The following ZNF804B variants were observed in gnomAD, a reference collection of about 807,000 sequenced individuals.
The protein encoded by ZNF804B is zinc finger protein 804B.
A neutral mutation model predicts 101.4 loss-of-function variants in ZNF804B; 80 were observed. The ratio of observed to expected loss-of-function variants is 0.79; its 90% CI spans 0.66 to 0.95. The LOEUF (loss-of-function observed/expected upper bound fraction) is 0.95, where lower values mean the gene tolerates loss of function less well. ZNF804B is among the 40% of genes least tolerant of loss of function. ZNF804B has a pLI of 0.00. For synonymous variants in ZNF804B, 622 were observed against 558.8 expected (o/e 1.11, Z -1.59); for missense variants, 1,673 against 1,561.9 (o/e 1.07, Z -1.20).
chr7:88,853,263 G>A (rs530551704), intron 1 of ZNF804B, among the ~76,000 whole-genome samples: 3 of 152,164 alleles, frequency 2.0e-5, no homozygotes, highest in East Asian at 3.9e-4. Context: ...TGGCCCTCAC[G>A]CACTGTTAGA....
chr7:89,226,235 T>A (rs1789087107), intron 2 of ZNF804B, among the ~76,000 whole-genome samples: 1 of 152,100 alleles, frequency 6.6e-6, no homozygotes, highest in Non-Finnish European at 1.5e-5. Flanking sequence ...TAAATTTAAA[T>A]TTTTCTTACT....
chr7:88,905,868 T>C (rs1434028368), intron 1 of ZNF804B, among the ~76,000 whole-genome samples: 1 of 151,114 alleles, frequency 6.6e-6, no homozygotes, highest in East Asian at 1.9e-4. Flanking sequence ...CTAGTAGAAT[T>C]CAGCTGTTAA....
chr7:88,770,624 AG>A lies in ZNF804B; in HGVS notation c.108+10541del, dbSNP rs532715296. On this transcript the variant is annotated intron_variant, in intron 1 of 3. Transcript: ENST00000333190. ...GGATGAATATTTCCAATGGTGTGGGAGCTCTCTGCTTATCAAGGTGATTTCT... is the reference window on the plus strand; with the variant it reads ...GGATGAATATTTCCAATGGTGTGGGACTCTCTGCTTATCAAGGTGATTTCT... 1.2e-4 allele frequency among the ~76,000 whole-genome samples: 18 copies of A among 152,224 alleles called. No homozygotes were observed. In the East Asian group the frequency reaches 3.5e-3, roughly 29 times the overall value.
chr7:88,781,855 C>A (rs545637189), intron 1 of ZNF804B, among the ~76,000 whole-genome samples: 1 of 152,106 alleles, frequency 6.6e-6, no homozygotes, highest in South Asian at 2.1e-4. Flanking sequence ...GACAAAAACC[C>A]CCGCGACACT....
chr7:89,163,250 A>G (rs1354551349), intron 1 of ZNF804B, among the ~76,000 whole-genome samples: 2 of 152,148 alleles, frequency 1.3e-5, no homozygotes, highest in South Asian at 2.1e-4. Context: ...CGGATTTTGT[A>G]CCTATTGTGT....
chr7:89,309,759 CAAAAAAAAAAAAAA>C (rs397791531), intron 2 of ZNF804B, among the ~76,000 whole-genome samples: 23 of 70,792 alleles, frequency 3.2e-4, no homozygotes, highest in African/African-American at 8.9e-4. Context: ...GACCCTGTCT[CAAAAAAAAAAAAAA>C]AAAAAAAAAA....
At chr7:89,218,389 CTG>C in intron 2 of ZNF804B, 94 bp downstream of exon 2, 1 of 1,405,962 alleles carries the variant, frequency 7.1e-7, no homozygotes, top group Non-Finnish European at 9.8e-7. Context: ...CCATATAAGA[CTG>C]TGAGGTAAGA....
In ZNF804B at chr7:88,899,757, A is replaced by G. The variant is rs113632243; in HGVS notation, c.108+139673A>G. 1.8e-4 allele frequency among the ~76,000 whole-genome samples: 27 copies of G among 152,284 alleles called. 2 individuals carry two copies. The highest frequency in any genetic ancestry group is 6.5e-4 in the African/African-American group (27 of 41,560). ...TAACTTTCTACTGTTAGCTCCCAGG[A>G]CCATCATCCTCAGATACCCATATCT... On this transcript the variant is annotated intron_variant, in intron 1 of 3. Transcript: ENST00000333190.
At chr7:88,806,034 T>C (rs1011088519) in intron 1 of ZNF804B, among the ~76,000 whole-genome samples, 20 of 152,002 alleles carry the variant, frequency 1.3e-4, no homozygotes, top group Non-Finnish European at 2.4e-4. Flanking sequence ...GATCTAACTA[T>C]GAGGACCTTA....
At chr7:89,307,987 C>T (rs1790591354) in intron 2 of ZNF804B, among the ~76,000 whole-genome samples, 1 of 151,966 alleles carries the variant, frequency 6.6e-6, no homozygotes, top group South Asian at 2.1e-4. Context: ...ACAATAGTTT[C>T]CCAAATGTGC....
intron 2 of ZNF804B, among the ~76,000 whole-genome samples, chr7:89,225,387 G>GA (rs918410803): frequency 9.9e-5 from 15 of 151,752 alleles, no homozygotes; most frequent in African/African-American, 2.9e-4. Context: ...TCTTTAAAAA[G>GA]AAAAAAAATT....
chr7:89,103,048 GTTTTT>G (rs56693128), intron 1 of ZNF804B, among the ~76,000 whole-genome samples: 138 of 33,662 alleles, frequency 4.1e-3, no homozygotes, highest in African/African-American at 0.013. Flanking sequence ...CTATGTGTCT[GTTTTT>G]TTTTTTTTTT....
chr7:88,955,038 A>T (rs1241733502), intron 1 of ZNF804B, among the ~76,000 whole-genome samples: 12 of 150,266 alleles, frequency 8.0e-5, no homozygotes, highest in African/African-American at 2.7e-4. Flanking sequence ...AGGCGGGAGG[A>T]TCTCTTGAGC....
intron 1 of ZNF804B, among the ~76,000 whole-genome samples, chr7:88,967,194 G>A (rs1019929012): frequency 5.3e-5 from 8 of 151,262 alleles, no homozygotes; most frequent in African/African-American, 1.5e-4. Context: ...GAGAAAAGAG[G>A]TTTAATTGAC....
chr7:89,288,795 C>T (rs1016662240), intron 2 of ZNF804B, among the ~76,000 whole-genome samples: 3 of 151,896 alleles, frequency 2.0e-5, no homozygotes, highest in African/African-American at 7.3e-5. Context: ...GATGCATGAA[C>T]ATGTAGAAAA....
chr7:89,328,368 GAAT>G (rs1399825391), intron 3 of ZNF804B, among the ~76,000 whole-genome samples: 1 of 151,648 alleles, frequency 6.6e-6, no homozygotes, highest in Non-Finnish European at 1.5e-5. Context: ...ATAACTTTTA[GAAT>G]AATCTAATTA....
At chr7:88,786,479 G>T (rs1015293372) in intron 1 of ZNF804B, among the ~76,000 whole-genome samples, 2 of 152,076 alleles carry the variant, frequency 1.3e-5, no homozygotes, top group Non-Finnish European at 2.9e-5. Context: ...ATTAAGGGGA[G>T]ATGTAGGAGA....
chr7:88,940,768 AAATAATAAT>A (rs71120045), intron 1 of ZNF804B, among the ~76,000 whole-genome samples: 92 of 139,484 alleles, frequency 6.6e-4, no homozygotes, highest in African/African-American at 1.5e-3. Context: ...ACCCTATTTA[AAATAATAAT>A]AATAATAATA....
chr7:89,189,923 C>T (rs1788428486), intron 1 of ZNF804B, among the ~76,000 whole-genome samples: 1 of 152,036 alleles, frequency 6.6e-6, no homozygotes, highest in African/African-American at 2.4e-5. Flanking sequence ...ATAGTGATTT[C>T]TTTGATGGAT....
Sources: gnomAD v4.1 joint callset for allele counts (sites outside exome capture counted in the v4.1 genomes callset) on GRCh38, gnomAD v4.1.1 for gene constraint, MANE v1.5 for transcripts, NCBI Gene and HGNC (gene_info 2026-07-23, HGNC 2026-07-21) for gene names.